Variants in GRIA1 observed in about 807,000 individuals in gnomAD.
GRIA1 encodes glutamate receptor 1.
In GRIA1, 31 loss-of-function variants were observed where a neutral mutation model predicts 99.2. The observed-to-expected ratio is 0.31, with a 90% CI of 0.23 to 0.42. The LOEUF (loss-of-function observed/expected upper bound fraction) is 0.42. Ranked by LOEUF, GRIA1 falls within the 10% of genes least tolerant of loss-of-function variation. GRIA1 has a pLI of 1.00. For synonymous variants in GRIA1, 438 were observed against 432.4 expected (o/e 1.01, Z -0.16); for missense variants, 782 against 1,157.5 (o/e 0.68, Z 4.71).
intron 11 of GRIA1, among the ~76,000 whole-genome samples, chr5:153,738,554 C>T (rs1761549351): frequency 6.6e-6 from 1 of 152,004 alleles, no homozygotes; most frequent in Admixed American, 6.6e-5. Context: ...AACTAGTGAG[C>T]TCTATTCCTC....
At chr5:153,767,596 T>A (rs1358876045) in intron 12 of GRIA1, among the ~76,000 whole-genome samples, 1 of 152,072 alleles carries the variant, frequency 6.6e-6, no homozygotes, top group African/African-American at 2.4e-5. Flanking sequence ...GTTTGGTGGG[T>A]GGGGAGATAA....
chr5:153,742,367 C>T (rs1288811800), intron 11 of GRIA1, among the ~76,000 whole-genome samples: 2 of 152,172 alleles, frequency 1.3e-5, no homozygotes, highest in Non-Finnish European at 2.9e-5. Context: ...TCCTGTGTGA[C>T]TTACCTGTAC....
At chr5:153,496,822 T>C (rs1272651496) in intron 2 of GRIA1, among the ~76,000 whole-genome samples, 1 of 152,224 alleles carries the variant, frequency 6.6e-6, no homozygotes, top group African/African-American at 2.4e-5. Flanking sequence ...TCTGAATTAG[T>C]AGTTGCCTTA....
intron 2 of GRIA1, among the ~76,000 whole-genome samples, chr5:153,511,687 A>C (rs140555864): frequency 1.8e-4 from 27 of 152,332 alleles, no homozygotes; most frequent in South Asian, 1.7e-3. Flanking sequence ...ATTTATCTGC[A>C]GTCAGGTAGC....
Position 153,677,164 on chromosome 5 carries a change from A to G in GRIA1, c.1029+3A>G. The G allele has an allele frequency of 6.8e-7, 1 of 1,464,470 alleles. No individual in the cohort carries two copies. The allele number at this position is 1,464,470 out of a possible 1,614,324, so 90.7% of individuals were successfully genotyped here. A position where few individuals can be genotyped will look rare whatever the true frequency, so the allele number is the denominator to read the frequency against. On this transcript the variant is annotated splice_donor_region_variant and intron_variant, in intron 7 of 15. Coordinates refer to ENST00000285900, the MANE Select transcript of GRIA1 (RefSeq NM_000827.4). ...ACATCCAGAGAGCTCTGCAGCAGGT[A>G]AGACCACCAATGTTTGCCCCATCTC...
intron 14 of GRIA1, chr5:153,795,688 G>A (rs1341897280): frequency 6.1e-6 from 4 of 655,694 alleles, no homozygotes; most frequent in African/African-American, 3.7e-5. Context: ...AGGCCTTAGA[G>A]AGCTGGGCCC....
intron 1 of GRIA1, among the ~76,000 whole-genome samples, 171 bp from the exon 2 acceptor site, chr5:153,493,757 G>T (rs1754150545): frequency 6.6e-6 from 1 of 152,180 alleles, no homozygotes; most frequent in African/African-American, 2.4e-5. Flanking sequence ...ATCTGTAGGA[G>T]TTTAAGTTTC....
chr5:153,508,802 T>C (rs1445226442), intron 2 of GRIA1, among the ~76,000 whole-genome samples: 1 of 152,178 alleles, frequency 6.6e-6, no homozygotes, highest in Non-Finnish European at 1.5e-5. Context: ...AACAATCACA[T>C]CTGCAGGTTG....
At chr5:153,565,577 AGTACC>A (rs1581238638) in intron 2 of GRIA1, among the ~76,000 whole-genome samples, 1 of 152,180 alleles carries the variant, frequency 6.6e-6, no homozygotes, top group East Asian at 1.9e-4. Context: ...AAAGTAGCCC[AGTACC>A]CATTAGCTGT....
intron 2 of GRIA1, among the ~76,000 whole-genome samples, chr5:153,537,783 C>T (rs960993173): frequency 6.6e-6 from 1 of 152,214 alleles, no homozygotes; most frequent in Non-Finnish European, 1.5e-5. Context: ...AGCAACCATA[C>T]TCTCAGCCCT....
Position 153,807,039 on chromosome 5 carries a change from G to T in GRIA1, c.2521-3986G>T, listed in dbSNP as rs190414110. On this transcript the variant is annotated intron_variant, in intron 15 of 15. Coordinates refer to ENST00000285900, the MANE Select transcript of GRIA1 (RefSeq NM_000827.4). Reference sequence around the variant, plus strand: ...TGAGCACCTATTCTCTGTTCTTCCAGTCCCAGCCACAGTGCTGCTCACAAA... The same window carrying T: ...TGAGCACCTATTCTCTGTTCTTCCATTCCCAGCCACAGTGCTGCTCACAAA... Among the ~76,000 whole-genome samples, 21 of 152,306 alleles carry T rather than the reference G, an allele frequency of 1.4e-4. No individual in the cohort carries two copies. In the East Asian group the frequency reaches 4.1e-3, roughly 29 times the overall value.
intron 2 of GRIA1, among the ~76,000 whole-genome samples, chr5:153,610,035 G>C (rs1765843800): frequency 6.6e-6 from 1 of 152,168 alleles, no homozygotes; most frequent in Non-Finnish European, 1.5e-5. Context: ...TGCATGCCTG[G>C]AAGATCTAAA....
intron 2 of GRIA1, among the ~76,000 whole-genome samples, chr5:153,569,243 G>T (rs752052440): frequency 1.8e-4 from 28 of 152,244 alleles, no homozygotes; most frequent in Non-Finnish European, 3.1e-4. Flanking sequence ...AAGTTGTGGA[G>T]TAATGCCCAG....
intron 2 of GRIA1, among the ~76,000 whole-genome samples, chr5:153,627,435 G>T (rs773291989): frequency 1.3e-5 from 2 of 152,168 alleles, no homozygotes; most frequent in Non-Finnish European, 2.9e-5. Flanking sequence ...GTAGACACAG[G>T]CACGTGAGCC....
At chr5:153,612,228 A>G (rs1251008704) in intron 2 of GRIA1, among the ~76,000 whole-genome samples, 3 of 152,254 alleles carry the variant, frequency 2.0e-5, no homozygotes, top group Non-Finnish European at 4.4e-5. Context: ...AGGAGTGCTG[A>G]GAAGGGATAA....
At chr5:153,553,908 C>A (rs1192929316) in intron 2 of GRIA1, among the ~76,000 whole-genome samples, 1 of 152,098 alleles carries the variant, frequency 6.6e-6, no homozygotes, top group Non-Finnish European at 1.5e-5. Flanking sequence ...GCAGGGGGGA[C>A]CCTCTCCTGT....
At chr5:153,615,162 C>A (rs545846932) in intron 2 of GRIA1, among the ~76,000 whole-genome samples, 5 of 152,258 alleles carry the variant, frequency 3.3e-5, no homozygotes, top group Admixed American at 3.3e-4. Context: ...TATAAGCACT[C>A]AACAGACATT....
chr5:153,659,647 G>GA (rs1302882222), intron 5 of GRIA1, among the ~76,000 whole-genome samples: 3 of 152,200 alleles, frequency 2.0e-5, no homozygotes, highest in Admixed American at 6.5e-5. Context: ...AGCCAGTTTG[G>GA]AAAATGTGGC....
chr5:153,744,517 G>A (rs1213227311), intron 11 of GRIA1, among the ~76,000 whole-genome samples: 2 of 152,152 alleles, frequency 1.3e-5, no homozygotes, highest in Non-Finnish European at 2.9e-5. Context: ...CTATTTATTA[G>A]CTTAAGAAGT....
Sources: allele counts gnomAD v4.1 joint callset (sites outside exome capture counted in the v4.1 genomes callset), GRCh38; gene constraint gnomAD v4.1.1; transcripts MANE v1.5; gene names NCBI Gene and HGNC (gene_info 2026-07-23, HGNC 2026-07-21).